Variants in TAF4B observed in about 807,000 individuals in gnomAD.
TAF4B encodes transcription initiation factor TFIID subunit 4B.
A neutral mutation model predicts 86.4 loss-of-function variants in TAF4B; 38 were observed. The ratio of observed to expected loss-of-function variants is 0.44; its 90% CI spans 0.34 to 0.58. The LOEUF is 0.58. Ranked by LOEUF, TAF4B falls within the 20% of genes least tolerant of loss-of-function variation. The pLI is 0.02. For missense variants in TAF4B, 988 were observed against 1,027.6 expected (o/e 0.96, Z 0.53); for synonymous variants, 388 against 391.2 (o/e 0.99, Z 0.10).
At chr18:26,309,869 C>T (rs910126405) in intron 9 of TAF4B, among the ~76,000 whole-genome samples, 1 of 152,046 alleles carries the variant, frequency 6.6e-6, no homozygotes. Context: ...CACTCTGTCG[C>T]CCAAGCTGGA....
chr18:26,288,409 C>T (rs1293004638), intron 7 of TAF4B, among the ~76,000 whole-genome samples: 1 of 151,962 alleles, frequency 6.6e-6, no homozygotes, highest in East Asian at 1.9e-4. Flanking sequence ...CCGAGGCGGG[C>T]GGATCACCTG....
chr18:26,385,055 T>G (rs1259943704), intron 14 of TAF4B, among the ~76,000 whole-genome samples: 1 of 152,112 alleles, frequency 6.6e-6, no homozygotes, highest in Non-Finnish European at 1.5e-5. Context: ...GAGAGGCCCG[T>G]ATGGAGTCAC....
At chr18:26,285,800 G>A in intron 6 of TAF4B, 82 bp from the exon 7 acceptor site, 1 of 1,495,174 alleles carries the variant, frequency 6.7e-7, no homozygotes, top group Non-Finnish European at 9.0e-7. Flanking sequence ...GTTTTAAGTT[G>A]TAAAGGTATG....
intron 9 of TAF4B, 62 bp from the exon 10 acceptor site, chr18:26,315,145 TGTCTCTCTCTCTCTCTCACACA>T: frequency 6.2e-6 from 1 of 160,558 alleles, no homozygotes. Flanking sequence ...TCTCTCTCTC[TGTCTCTCTCTCTCTCTCACACA>T]CACACACACA....
chr18:26,232,093 C>T (rs1195728935), intron 1 of TAF4B, among the ~76,000 whole-genome samples: 1 of 152,106 alleles, frequency 6.6e-6, no homozygotes, highest in Non-Finnish European at 1.5e-5. Context: ...TTGCTAGCTA[C>T]AGAGCACTGA....
intron 9 of TAF4B, chr18:26,304,845 C>T: frequency 4.1e-6 from 4 of 985,352 alleles, no homozygotes; most frequent in Non-Finnish European, 4.8e-6. Context: ...AGTCCACTTA[C>T]TGCCTGAAGG....
intron 1 of TAF4B, among the ~76,000 whole-genome samples, chr18:26,249,462 ACTCT>A (rs893909478): frequency 3.0e-4 from 45 of 150,442 alleles, no homozygotes; most frequent in Non-Finnish European, 5.5e-4. Context: ...ACAGAGCAAA[ACTCT>A]CTCTCTCTCT....
chr18:26,255,977 C>T (rs1466041469), intron 1 of TAF4B: 1 of 1,318,776 alleles, frequency 7.6e-7, no homozygotes, highest in Non-Finnish European at 1.1e-6. Flanking sequence ...CTGGGAGGCA[C>T]TGGAGGTGGT....
At position 26,286,001 on chromosome 18, in the gene TAF4B, T is replaced by C; in HGVS notation, c.1092T>C (p.Ser364=). 6.2e-7 allele frequency: 1 copy of C among 1,614,254 alleles called. No homozygotes were observed. The highest frequency in any genetic ancestry group is 1.3e-5 in the African/African-American group (1 of 75,072). The change falls in exon 7 of 15, where the codon TCT becomes TCC. Residue 364 remains serine (S), a synonymous_variant. Coordinates refer to ENST00000269142, the MANE Select transcript of TAF4B (RefSeq NM_005640.3). ...CCTGTACTACAACAGTAACAACTTCTCCTGTGGTGACAACTACAGTGTCCT... is the reference window on the plus strand; with the variant it reads ...CCTGTACTACAACAGTAACAACTTCCCCTGTGGTGACAACTACAGTGTCCT... ...IATCTTTVTT[S]PVVTTTVSSS... is the part of the protein sequence containing the mutation.
chr18:26,310,948 CT>C (rs1025080142), intron 9 of TAF4B, among the ~76,000 whole-genome samples: 1 of 150,100 alleles, frequency 6.7e-6, no homozygotes, highest in African/African-American at 2.4e-5. Flanking sequence ...TAATGTTTTG[CT>C]TTTTTTGTTT....
chr18:26,274,084 G>A (rs1372976368), intron 3 of TAF4B, among the ~76,000 whole-genome samples: 4 of 152,118 alleles, frequency 2.6e-5, no homozygotes, highest in Non-Finnish European at 2.9e-5. Flanking sequence ...GCTAGCTAGA[G>A]TCACACCTCA....
Position 26,325,586 on chromosome 18 carries a change from G to A in TAF4B, c.2134-1429G>A, listed in dbSNP as rs8088756. On this transcript the variant is annotated intron_variant, in intron 11 of 14. Coordinates refer to ENST00000269142, the MANE Select transcript of TAF4B (RefSeq NM_005640.3). ...AGAGAGAGGAAGGAATCTTAGCATGGGAATATGATTGGGCTAAAATTTAAA... is the reference window on the plus strand; with the variant it reads ...AGAGAGAGGAAGGAATCTTAGCATGAGAATATGATTGGGCTAAAATTTAAA... Among the ~76,000 whole-genome samples the A allele has an allele frequency of 9.7e-3, 1,470 of 152,124 alleles. 12 individuals carry two copies. The highest frequency in any genetic ancestry group is 0.033 in the African/African-American group (1,365 of 41,514).
At position 26,267,513 on chromosome 18, in the gene TAF4B, A is replaced by G; in HGVS notation, c.490-3A>G. On this transcript the variant is annotated splice_region_variant and splice_polypyrimidine_tract_variant and intron_variant, in intron 2 of 14. Transcript: ENST00000269142. The stretch of plus-strand genomic sequence containing the variant: ...TGTTATCTTGCTCCCCTCCACCGCC[A>G]AGAACTCTAGCTCACAATTAATCAA... 1 of 1,612,636 alleles carries G rather than the reference A, an allele frequency of 6.2e-7. No homozygotes were observed. The highest frequency in any genetic ancestry group is 8.5e-7 in the Non-Finnish European group (1 of 1,178,612).
intron 14 of TAF4B, among the ~76,000 whole-genome samples, chr18:26,358,565 C>G (rs1051012667): frequency 2.0e-5 from 3 of 152,134 alleles, no homozygotes; most frequent in East Asian, 3.8e-4. Flanking sequence ...AAAAAATTAG[C>G]CGAACGTGGT....
At chr18:26,236,930 CA>C (rs34865076) in intron 1 of TAF4B, among the ~76,000 whole-genome samples, 16,821 of 152,192 alleles carry the variant, frequency 0.11, 951 homozygotes, top group Middle Eastern at 0.14. Context: ...TGTCGGGTGA[CA>C]GGGGAGTATA....
intron 14 of TAF4B, among the ~76,000 whole-genome samples, chr18:26,386,085 T>G (rs1978349750): frequency 6.6e-6 from 1 of 152,204 alleles, no homozygotes; most frequent in Non-Finnish European, 1.5e-5. Context: ...TTCATAAAGT[T>G]GTGAATTATG....
chr18:26,365,002 C>CTTTTTTTTTT (rs1236686001), intron 14 of TAF4B, among the ~76,000 whole-genome samples: 1 of 109,244 alleles, frequency 9.2e-6, no homozygotes, highest in Non-Finnish European at 1.8e-5. Context: ...TAATTCTATT[C>CTTTTTTTTTT]TTTTTTTTTT....
At chr18:26,317,624 A>G (rs980217914) in intron 10 of TAF4B, among the ~76,000 whole-genome samples, 7 of 152,160 alleles carry the variant, frequency 4.6e-5, no homozygotes, top group African/African-American at 1.7e-4. Flanking sequence ...TTAAACAACA[A>G]ATGTTTATTT....
chr18:26,277,651 A>T lies in TAF4B; in HGVS notation c.882+2598A>T, dbSNP rs368042499. The stretch of plus-strand genomic sequence containing the variant: ...AAGAGAGGTGGTTGGAATAGTGATT[A>T]TTTTTTTAAAAATAGCTTTTCTCCA... On this transcript the variant is annotated intron_variant, in intron 5 of 14. Coordinates refer to ENST00000269142, the MANE Select transcript of TAF4B (RefSeq NM_005640.3). Among the ~76,000 whole-genome samples, 440 of 131,716 alleles carry T rather than the reference A, an allele frequency of 3.3e-3. 4 individuals are homozygous for T. The highest frequency in any genetic ancestry group is 0.019 in the East Asian group (96 of 5,176). The allele number at this position is 131,716 out of a possible 152,430, so 86.4% of individuals were successfully genotyped here. A position where few individuals can be genotyped will look rare whatever the true frequency, so the allele number is the denominator to read the frequency against.
Sources: gnomAD v4.1 joint callset for allele counts (sites outside exome capture counted in the v4.1 genomes callset) on GRCh38, gnomAD v4.1.1 for gene constraint, MANE v1.5 for transcripts, NCBI Gene and HGNC (gene_info 2026-07-23, HGNC 2026-07-21) for gene names.